Variants in ARB2A observed in about 807,000 individuals in gnomAD.
ARB2A encodes the protein cotranscriptional regulator ARB2A.
chr5:93,783,977 G>T, the ARB2A span, among the ~76,000 whole-genome samples: 2 of 152,070 alleles, frequency 1.3e-5, no homozygotes, highest in Admixed American at 1.3e-4. Flanking sequence ...GGCACATACT[G>T]ACTGCCTTTT....
At chr5:93,717,440 C>CT in the ARB2A span, among the ~76,000 whole-genome samples, 7,289 of 107,330 alleles carry the variant, frequency 0.068, 269 homozygotes, top group East Asian at 0.16. Context: ...ACCACAGTTG[C>CT]TTTTTTTTTT....
the ARB2A span, among the ~76,000 whole-genome samples, chr5:94,107,333 C>G: frequency 2.1e-4 from 32 of 152,078 alleles, no homozygotes; most frequent in Non-Finnish European, 3.8e-4. Context: ...TTGAGTCAGT[C>G]ATCTGCCATC....
chr5:94,039,880 C>G, the ARB2A span, among the ~76,000 whole-genome samples: 1 of 152,114 alleles, frequency 6.6e-6, no homozygotes, highest in Non-Finnish European at 1.5e-5. Context: ...CACCCCCCAA[C>G]CCCGATCACT....
At chr5:93,802,344 A>G in the ARB2A span, among the ~76,000 whole-genome samples, 1 of 152,078 alleles carries the variant, frequency 6.6e-6, no homozygotes, top group South Asian at 2.1e-4. Context: ...AAAAGAAATC[A>G]CAATGAAAAA....
the ARB2A span, among the ~76,000 whole-genome samples, chr5:94,060,957 G>A: frequency 1.2e-4 from 19 of 152,222 alleles, no homozygotes; most frequent in South Asian, 2.3e-3. Flanking sequence ...TTCAACACTC[G>A]GCCAGGTGCG....
chr5:93,914,979 G>A, the ARB2A span, among the ~76,000 whole-genome samples: 1 of 151,896 alleles, frequency 6.6e-6, no homozygotes, highest in Non-Finnish European at 1.5e-5. Context: ...ATATGGTAGA[G>A]GCCAAGGGAT....
At chr5:93,786,998 T>C in the ARB2A span, among the ~76,000 whole-genome samples, 1 of 152,190 alleles carries the variant, frequency 6.6e-6, no homozygotes, top group African/African-American at 2.4e-5. Context: ...GAAAGCCATA[T>C]CATCAAAGTC....
At chr5:94,064,959 AT>A in the ARB2A span, among the ~76,000 whole-genome samples, 1 of 152,258 alleles carries the variant, frequency 6.6e-6, no homozygotes, top group East Asian at 1.9e-4. Context: ...TGTTACCACT[AT>A]AGAAAACAAC....
the ARB2A span, among the ~76,000 whole-genome samples, chr5:93,727,001 A>C: frequency 6.6e-6 from 1 of 152,060 alleles, no homozygotes; most frequent in Non-Finnish European, 1.5e-5. Flanking sequence ...AATACTTTAT[A>C]ATAATGATGG....
the ARB2A span, chr5:93,781,867 A>G: frequency 1.0e-6 from 1 of 985,298 alleles, no homozygotes; most frequent in Non-Finnish European, 1.2e-6. Context: ...AAAACAAAAA[A>G]CTTTCCAACA....
the ARB2A span, among the ~76,000 whole-genome samples, chr5:93,796,965 T>C: frequency 6.6e-6 from 1 of 152,186 alleles, no homozygotes; most frequent in Admixed American, 6.5e-5. Context: ...TCTATGTATA[T>C]GGCTGCATCT....
chr5:94,059,348 C>T, the ARB2A span, among the ~76,000 whole-genome samples: 26 of 151,894 alleles, frequency 1.7e-4, no homozygotes, highest in Non-Finnish European at 2.4e-4. Context: ...TAGGGCCAGG[C>T]GTGGTTGCTC....
At chr5:93,956,513 C>T in the ARB2A span, among the ~76,000 whole-genome samples, 1 of 152,018 alleles carries the variant, frequency 6.6e-6, no homozygotes, top group Admixed American at 6.5e-5. Flanking sequence ...TATTGTGTGG[C>T]CCCCAAAATA....
the ARB2A span, among the ~76,000 whole-genome samples, chr5:93,814,718 C>T: frequency 6.6e-6 from 1 of 152,168 alleles, no homozygotes; most frequent in Admixed American, 6.5e-5. Flanking sequence ...TAATGTTTCC[C>T]CAGTACTTGT....
chr5:93,946,143 T>C, the ARB2A span, among the ~76,000 whole-genome samples: 2 of 152,116 alleles, frequency 1.3e-5, no homozygotes, highest in African/African-American at 4.8e-5. Flanking sequence ...AATGAGGGCA[T>C]ATATCAAGAA....
At chr5:93,713,905 C>T in the ARB2A span, among the ~76,000 whole-genome samples, 5 of 152,184 alleles carry the variant, frequency 3.3e-5, no homozygotes, top group Non-Finnish European at 7.4e-5. Flanking sequence ...TAGCAGCCCT[C>T]TCCCCATGGT....
chr5:93,972,516 A>G, the ARB2A span, among the ~76,000 whole-genome samples: 2 of 152,126 alleles, frequency 1.3e-5, no homozygotes, highest in African/African-American at 4.8e-5. Flanking sequence ...GATGAGAATG[A>G]ACAGTGCAAG....
chr5:93,950,817 G>A, the ARB2A span, among the ~76,000 whole-genome samples: 2 of 150,742 alleles, frequency 1.3e-5, no homozygotes, highest in Admixed American at 6.6e-5. Context: ...GGTGGTGCAT[G>A]CCTGTAATCC....
chr5:93,945,962 C>G, the ARB2A span, among the ~76,000 whole-genome samples: 3 of 152,198 alleles, frequency 2.0e-5, no homozygotes, highest in South Asian at 6.2e-4. Context: ...AATTAAAACA[C>G]TGGAAACTAG....
Sources: gnomAD v4.1 joint callset for allele counts (sites outside exome capture counted in the v4.1 genomes callset) on GRCh38, gnomAD v4.1.1 for gene constraint, MANE v1.5 for transcripts, NCBI Gene and HGNC (gene_info 2026-07-23, HGNC 2026-07-21) for gene names.